Variants in MYSM1 observed in about 807,000 individuals in gnomAD.
MYSM1 encodes Myb like, SWIRM and MPN domains 1, also known as deubiquitinase MYSM1.
A neutral mutation model predicts 116.0 loss-of-function variants in MYSM1; 51 were observed. That is an observed-to-expected ratio of 0.44 (90% CI 0.35 to 0.56). The LOEUF is 0.56. MYSM1 is among the 20% of genes least tolerant of loss of function. MYSM1 has a pLI of 0.00. For missense variants in MYSM1, 900 were observed against 974.9 expected, an observed-to-expected ratio of 0.92 and a Z score of 1.02; for synonymous variants, 313 against 315.2, an observed-to-expected ratio of 0.99 and a Z score of 0.07.
chr1:58,671,957 T>A lies in MYSM1; in HGVS notation c.1574A>T (p.His525Leu). The change falls in exon 12 of 20, where the codon CAT becomes CTT. Residue 525 changes from histidine to leucine, a missense_variant and splice_region_variant. Physicochemically the swap from His to Leu is moderately conservative, Grantham distance 99. This residue lies in a region of MYSM1 where 622 missense variants were observed against 623.7 expected (regional missense o/e 1.00). Transcript: ENST00000472487. The part of the protein sequence containing the change: ...AKDLEGQTFE[H>L]LSAEELAKRR... ...TTTTGCCAACTCCTCAGCAGAGAGA[T>A]GCTAAAACAAAATGCCAATTGATTA... The A allele has an allele frequency of 6.2e-7, 1 of 1,612,268 alleles. No individual in the cohort carries two copies. Among genetic ancestry groups the A allele is most frequent in the Non-Finnish European group, 8.5e-7 (1 of 1,179,266 alleles).
chr1:58,700,062 T>A lies in MYSM1; in HGVS notation c.-10A>T. 6.2e-7 allele frequency: 1 copy of A among 1,613,522 alleles called. No homozygotes were observed. The highest frequency in any genetic ancestry group is 8.5e-7 in the Non-Finnish European group (1 of 1,179,942). On this transcript the variant is annotated 5_prime_UTR_variant, in exon 1 of 20. Coordinates refer to ENST00000472487, the MANE Select transcript of MYSM1 (RefSeq NM_001085487.3). ...CCTCTTCAGCCGCCATGATGGGACCTGACCCCGTCCGTCCTCCCGAGAGAT... is the reference window on the plus strand; with the variant it reads ...CCTCTTCAGCCGCCATGATGGGACCAGACCCCGTCCGTCCTCCCGAGAGAT...
rs748812964 is a variant in MYSM1, at chr1:58,661,443, T to C, written c.2233A>G (p.Thr745Ala). The C allele has an allele frequency of 2.5e-6, 4 of 1,606,686 alleles. No individual in the cohort carries two copies. In the South Asian group the frequency reaches 4.4e-5, roughly 18 times the overall value. The change falls in exon 18 of 20, where the codon ACA (threonine) becomes GCA (alanine). Residue 745 changes from threonine (T) to alanine (A), a missense_variant. By Grantham distance (58) the Thr-to-Ala change is moderately conservative. Coordinates refer to ENST00000472487, the MANE Select transcript of MYSM1 (RefSeq NM_001085487.3). ...CTGTATTTTTCTATTATCCATCTTG[T>C]CTTTTCAAATACTAATCCCCACTGA... ...EPQWGLVFEKTRWIIEKYRLS... is the reference protein window; with the variant it reads ...EPQWGLVFEKARWIIEKYRLS...
At chr1:58,688,510 T>G (rs1644860081) in intron 6 of MYSM1, among the ~76,000 whole-genome samples, 1 of 151,846 alleles carries the variant, frequency 6.6e-6, no homozygotes, top group Non-Finnish European at 1.5e-5. Flanking sequence ...ATCTTTTCCA[T>G]TATGCAACTT....
chr1:58,692,872 C>T lies in MYSM1; in HGVS notation c.207G>A (p.Leu69=). 6.2e-7 allele frequency: 1 copy of T among 1,609,426 alleles called. No individual in the cohort carries two copies. Among genetic ancestry groups the T allele is most frequent in the Non-Finnish European group, 8.5e-7 (1 of 1,178,174 alleles). Residue 69 remains leucine (L), a synonymous_variant, in exon 3 of 20, where the codon TTG becomes TTA. Transcript: ENST00000472487. ...TCATTAAAGGATACTCTTCTTCCAA[C>T]AACATTTTCTCAATAACAGCTCTGT... ...EENRAVIEKM[L]LEEEYYLSKK...
intron 16 of MYSM1, among the ~76,000 whole-genome samples, 156 bp downstream of exon 16, chr1:58,666,882 A>T (rs978627238): frequency 4.8e-5 from 4 of 83,130 alleles, no homozygotes; most frequent in East Asian, 6.7e-4. Context: ...CTCAAAAAAA[A>T]AATAATAATA....
Position 58,667,741 on chromosome 1 carries a change from A to G in MYSM1, c.1842+106T>C, listed in dbSNP as rs1644495819. On this transcript the variant is annotated intron_variant, in intron 15 of 19. Transcript: ENST00000472487. ...ACATTTGCATATTCTCATATATATC[A>G]TAGGTAAAGTCTGTATTTTAATTAT... The G allele has an allele frequency of 5.6e-6, 4 of 708,058 alleles. No individual in the cohort carries two copies. In the Admixed American group the frequency reaches 9.2e-5, roughly 16 times the overall value. The allele number at this position is 708,058 out of a possible 1,614,324, so 43.9% of individuals were successfully genotyped here. A position where few individuals can be genotyped will look rare whatever the true frequency, so the allele number is the denominator to read the frequency against.
intron 5 of MYSM1, 34 bp downstream of exon 5, chr1:58,690,192 A>G: frequency 6.9e-7 from 1 of 1,450,752 alleles, no homozygotes; most frequent in Non-Finnish European, 9.2e-7. Context: ...AACTAATGAA[A>G]ACAGATTTAT....
At chr1:58,698,263 G>A (rs1347864043) in intron 1 of MYSM1, among the ~76,000 whole-genome samples, 3 of 150,086 alleles carry the variant, frequency 2.0e-5, no homozygotes, top group Admixed American at 1.3e-4. Flanking sequence ...ACCACGCCCA[G>A]CTAATTTTTT....
chr1:58,676,859 G>A, intron 9 of MYSM1, 67 bp downstream of exon 9: 1 of 1,520,552 alleles, frequency 6.6e-7, no homozygotes, highest in Non-Finnish European at 8.9e-7. Flanking sequence ...AACCATCATA[G>A]AAATGAATAA....
intron 9 of MYSM1, 52 bp from the exon 10 acceptor site, chr1:58,675,632 T>C (rs762077267): frequency 1.4e-6 from 2 of 1,396,308 alleles, no homozygotes; most frequent in Middle Eastern, 1.9e-4. Flanking sequence ...GAAACTCATT[T>C]GTTAAACAGT....
intron 19 of MYSM1, 63 bp downstream of exon 19, chr1:58,661,107 C>A (rs1301737054): frequency 1.6e-5 from 20 of 1,219,430 alleles, no homozygotes; most frequent in Non-Finnish European, 2.3e-5. Context: ...TGGGAAAACA[C>A]ATTGAGATGA....
intron 17 of MYSM1, among the ~76,000 whole-genome samples, 174 bp from the exon 18 acceptor site, chr1:58,661,685 T>A (rs1042362660): frequency 2.0e-5 from 3 of 152,134 alleles, no homozygotes; most frequent in Non-Finnish European, 4.4e-5. Flanking sequence ...CGATTGTACT[T>A]GGTCCACTAA....
At chr1:58,699,224 T>C (rs577845929) in intron 1 of MYSM1, among the ~76,000 whole-genome samples, 2 of 152,292 alleles carry the variant, frequency 1.3e-5, no homozygotes, top group East Asian at 3.9e-4. Context: ...CTGGAACAGG[T>C]ATTTTAAAAA....
Position 58,676,793 on chromosome 1 carries a change from A to T in MYSM1, c.1390+133T>A, listed in dbSNP as rs1240115945. 3 of 856,206 alleles carry T rather than the reference A, an allele frequency of 3.5e-6. No individual in the cohort carries two copies. The African/African-American group carries it at 5.5e-5, about 16-fold the overall frequency. The allele number at this position is 856,206 out of a possible 1,614,324, so 53.0% of individuals were successfully genotyped here. A position where few individuals can be genotyped will look rare whatever the true frequency, so the allele number is the denominator to read the frequency against. The stretch of plus-strand genomic sequence containing the variant: ...ACAGTAAAATCTTAATAAAACATTT[A>T]TTAAATAATGTTACAGCACCTCTGA... On this transcript the variant is annotated intron_variant, in intron 9 of 19. Transcript: ENST00000472487.
Position 58,682,393 on chromosome 1 carries a change from T to C in MYSM1, c.651A>G (p.Leu217=), listed in dbSNP as rs1258903458. The change falls in exon 8 of 20, where the codon TTA becomes TTG. Residue 217 remains leucine (L), a synonymous_variant. Coordinates refer to ENST00000472487, the MANE Select transcript of MYSM1 (RefSeq NM_001085487.3). ...PNLNAVKIEK[L]SDDEEVDITD... is the part of the protein sequence containing the mutation. Reference sequence around the variant, plus strand: ...TGATGTCTACTTCTTCATCATCAGATAACTTTTCAATTTTTACAGCATTCA... The same window carrying C: ...TGATGTCTACTTCTTCATCATCAGACAACTTTTCAATTTTTACAGCATTCA... The C allele has an allele frequency of 3.7e-6, 6 of 1,614,196 alleles. No homozygotes were observed. The South Asian group carries it at 5.5e-5, about 15-fold the overall frequency.
chr1:58,686,879 G>A (rs1385863220), intron 6 of MYSM1, among the ~76,000 whole-genome samples: 1 of 151,688 alleles, frequency 6.6e-6, no homozygotes, highest in Non-Finnish European at 1.5e-5. Flanking sequence ...CATGTATGTG[G>A]TCCTAGCTAC....
chr1:58,670,964 G>C (rs1207751731), intron 12 of MYSM1, among the ~76,000 whole-genome samples: 1 of 152,156 alleles, frequency 6.6e-6, no homozygotes. Context: ...TACTGGATGA[G>C]GAGTCCTAGC....
In MYSM1 at chr1:58,669,205, A is replaced by C. The variant is rs550113287; in HGVS notation, c.1662-167T>G. Among the ~76,000 whole-genome samples the C allele has an allele frequency of 7.7e-4, 112 of 144,818 alleles. 1 individual carries two copies. Among genetic ancestry groups the C allele is most frequent in the African/African-American group, 2.9e-3 (109 of 37,296 alleles). On this transcript the variant is annotated intron_variant, in intron 12 of 19. Transcript: ENST00000472487. ...CTTTCGAAAGAAGCACTGTTCTTTT[A>C]GATTTAACAAGAACAAAAAAAAAAC...
Position 58,659,725 on chromosome 1 carries a change from C to A in MYSM1, c.*272G>T. The A allele has an allele frequency of 4.3e-6, 1 of 234,888 alleles. No individual in the cohort carries two copies. Among genetic ancestry groups the A allele is most frequent in the Non-Finnish European group, 8.1e-6 (1 of 123,076 alleles). 14.6% of individuals were successfully genotyped at this position (234,888 alleles called of 1,614,324 possible). On this transcript the variant is annotated 3_prime_UTR_variant, in exon 20 of 20. Transcript: ENST00000472487. ...AGCTGAACACAACAGTAAAGCCGAC[C>A]AGGTTGCTTAGTTTCACAGCCTACA... is the stretch of plus-strand genomic sequence containing the variant.
Sources: allele counts gnomAD v4.1 joint callset (sites outside exome capture counted in the v4.1 genomes callset), GRCh38; gene constraint gnomAD v4.1.1; regional missense constraint gnomAD v4.1.1; transcripts MANE v1.5; gene names NCBI Gene and HGNC (gene_info 2026-07-23, HGNC 2026-07-21).